CSAD: variants seen among roughly 807,000 people sequenced by gnomAD.
CSAD encodes P-selectin cytoplasmic tail-associated protein.
In CSAD, 47 loss-of-function variants were observed where a neutral mutation model predicts 61.5. That is an observed-to-expected ratio of 0.76 (90% CI 0.60 to 0.97). The LOEUF is 0.97. Among genes scored for constraint, CSAD ranks in the 50% least tolerant of loss-of-function variants. CSAD has a pLI of 0.00. For synonymous variants in CSAD, 245 were observed against 252.7 expected (o/e 0.97, Z 0.29); for missense variants, 611 against 643.6 (o/e 0.95, Z 0.55).
chr12:53,169,523 T>C (rs1325114128), intron 10 of CSAD, among the ~76,000 whole-genome samples: 1 of 151,358 alleles, frequency 6.6e-6, no homozygotes, highest in Non-Finnish European at 1.5e-5. Flanking sequence ...ATTTATTTAT[T>C]ATTATTATTT....
intron 2 of CSAD, among the ~76,000 whole-genome samples, chr12:53,176,583 G>A (rs1359768473): frequency 6.6e-6 from 1 of 151,756 alleles, no homozygotes; most frequent in Non-Finnish European, 1.5e-5. Flanking sequence ...GCCCGGCATG[G>A]TGGTGGGCAC....
At chr12:53,170,529 A>G (rs1397684209) in intron 8 of CSAD, 27 bp from the exon 9 acceptor site, 1 of 1,576,210 alleles carries the variant, frequency 6.3e-7, no homozygotes, top group African/African-American at 1.3e-5. Flanking sequence ...AGGGCAAGTT[A>G]GCACAACTTG....
chr12:53,160,425 G>A, intron 13 of CSAD, 106 bp from the exon 14 acceptor site: 2 of 1,162,944 alleles, frequency 1.7e-6, no homozygotes, highest in Admixed American at 1.9e-5. Context: ...TCTTTCCCTG[G>A]AGCCAGATGG....
At chr12:53,170,045 T>C in intron 10 of CSAD, 27 bp downstream of exon 10, 1 of 1,606,050 alleles carries the variant, frequency 6.2e-7, no homozygotes, top group Non-Finnish European at 8.5e-7. Flanking sequence ...GGAGGCTATA[T>C]CACCCCAGCG....
At chr12:53,180,607 T>G in intron 1 of CSAD, 125 bp downstream of exon 1, 3 of 1,284,334 alleles carry the variant, frequency 2.3e-6, no homozygotes, top group Non-Finnish European at 3.0e-6. Flanking sequence ...TCACCCGCTC[T>G]GAGGCTGCCC....
At chr12:53,168,595 A>C (rs1337480388) in intron 10 of CSAD, among the ~76,000 whole-genome samples, 1 of 152,152 alleles carries the variant, frequency 6.6e-6, no homozygotes, top group Non-Finnish European at 1.5e-5. Flanking sequence ...TATACAGTGG[A>C]GATACTTTCA....
intron 7 of CSAD, 52 bp downstream of exon 7, chr12:53,171,830 G>T (rs1940622407): frequency 8.7e-7 from 1 of 1,154,834 alleles, no homozygotes. Flanking sequence ...AACGGTGGGG[G>T]AGGAGGAACT....
upstream of CSAD, chr12:53,181,116 C>T: frequency 1.0e-6 from 1 of 965,124 alleles, no homozygotes; most frequent in Non-Finnish European, 1.2e-6. Context: ...TCCGGCTCTG[C>T]TCCCGGTTGG....
In CSAD at chr12:53,158,634, AATC is replaced by A. The variant is rs779987302; in HGVS notation, c.1356_1358del (p.Met452del). 18 of 1,614,160 alleles carry A rather than the reference AATC, an allele frequency of 1.1e-5. No homozygotes were observed. In the South Asian group the frequency reaches 1.9e-4, roughly 17 times the overall value. ...CCCGGGTCCCGTGGGGCTGGTAGCC[AATC>A]ATCATGGAGCCCTCCTTCACCATGC... On this transcript the variant is annotated inframe_deletion, in exon 17 of 17. Coordinates refer to ENST00000444623, the MANE Select transcript of CSAD (RefSeq NM_001244705.2).
At chr12:53,176,135 T>C (rs894116600) in intron 2 of CSAD, among the ~76,000 whole-genome samples, 1 of 152,176 alleles carries the variant, frequency 6.6e-6, no homozygotes, top group African/African-American at 2.4e-5. Flanking sequence ...GCACAGTGGC[T>C]CAAGCCTGTA....
At chr12:53,181,051 G>A (rs530242320), upstream of CSAD, 7 of 876,022 alleles carry the variant, frequency 8.0e-6, no homozygotes, top group African/African-American at 1.9e-5. Context: ...CCCGGGAGAG[G>A]GCTCTCGGAG....
chr12:53,159,486 C>T (rs957802403), intron 16 of CSAD, 137 bp downstream of exon 16: 8 of 688,182 alleles, frequency 1.2e-5, no homozygotes, highest in South Asian at 5.4e-5. Context: ...CCACCCCTAC[C>T]GAAAAGAGAG....
intron 10 of CSAD, chr12:53,164,555 C>A: frequency 6.5e-6 from 1 of 153,876 alleles, no homozygotes; most frequent in East Asian, 1.9e-4. Flanking sequence ...AAGATGGGAA[C>A]AAAAGACAGT....
chr12:53,178,517 T>C, intron 2 of CSAD: 1 of 312,618 alleles, frequency 3.2e-6, no homozygotes, highest in Non-Finnish European at 6.4e-6. Context: ...TAGGGCCGGG[T>C]GTGGTGGCTC....
At chr12:53,171,808 C>T in intron 7 of CSAD, 74 bp downstream of exon 7, 1 of 1,025,142 alleles carries the variant, frequency 9.8e-7, no homozygotes, top group South Asian at 1.4e-5. Context: ...CTGCCAGACA[C>T]TAGAGCAAGA....
chr12:53,171,960 C>T lies in CSAD; in HGVS notation c.373G>A (p.Val125Met). 1.2e-6 allele frequency: 2 copies of T among 1,614,018 alleles called. No homozygotes were observed. Among genetic ancestry groups the T allele is most frequent in the South Asian group, 2.2e-5 (2 of 91,064 alleles). Residue 125 changes from valine to methionine, a missense_variant, in exon 7 of 17, where the codon GTG becomes ATG. Val to Met is a conservative substitution (Grantham distance 21). Transcript: ENST00000444623. ...QYTYEIAPVF[V>M]LMEEEVLRKL... ...CTCAGCACCTCCTCTTCCATGAGCACAAACACGGGGGCGATTTCATATGTG... is the reference window on the plus strand; with the variant it reads ...CTCAGCACCTCCTCTTCCATGAGCATAAACACGGGGGCGATTTCATATGTG...
At chr12:53,174,979 C>T (rs1272706296) in intron 2 of CSAD, among the ~76,000 whole-genome samples, 5 of 152,202 alleles carry the variant, frequency 3.3e-5, no homozygotes, top group Non-Finnish European at 7.3e-5. Context: ...ACCCCTCAAC[C>T]CCCGCTGGCT....
intron 16 of CSAD, 30 bp downstream of exon 16, chr12:53,159,593 C>G (rs760526787): frequency 1.9e-6 from 3 of 1,583,892 alleles, no homozygotes; most frequent in Admixed American, 3.5e-5. Flanking sequence ...AGCTCCCTAA[C>G]GGGTAAAGAG....
chr12:53,170,525 A>G (rs1334042966), intron 8 of CSAD, 23 bp from the exon 9 acceptor site: 1 of 1,593,228 alleles, frequency 6.3e-7, no homozygotes, highest in Non-Finnish European at 8.6e-7. Context: ...GCAGAGGGCA[A>G]GTTAGCACAA....
Sources: gnomAD v4.1 joint callset for allele counts (sites outside exome capture counted in the v4.1 genomes callset) on GRCh38, gnomAD v4.1.1 for gene constraint, MANE v1.5 for transcripts, NCBI Gene and HGNC (gene_info 2026-07-23, HGNC 2026-07-21) for gene names.